Variants in SLC2A9 observed in about 807,000 individuals in gnomAD.
SLC2A9 encodes solute carrier family 2 member 9.
Under a neutral mutation model 50.6 loss-of-function variants are expected in SLC2A9, and 39 were observed. That is an observed-to-expected ratio of 0.77 (90% CI 0.60 to 1.01). SLC2A9 has a LOEUF of 1.01. Among genes scored for constraint, SLC2A9 ranks in the 50% least tolerant of loss-of-function variants. The pLI, the probability that SLC2A9 is intolerant of heterozygous loss-of-function variation, is 0.00. For missense variants in SLC2A9, 686 were observed against 677.6 expected, an observed-to-expected ratio of 1.01 and a Z score of -0.14; for synonymous variants, 324 against 276.9, an observed-to-expected ratio of 1.17 and a Z score of -1.69.
intron 11 of SLC2A9, among the ~76,000 whole-genome samples, chr4:9,827,741 G>C (rs966522022): frequency 6.6e-6 from 1 of 152,164 alleles, no homozygotes; most frequent in African/African-American, 2.4e-5. Flanking sequence ...TCCACACCTG[G>C]GGGTGCTTAG....
chr4:9,860,348 A>C (rs1349540960), intron 10 of SLC2A9, among the ~76,000 whole-genome samples: 1 of 152,192 alleles, frequency 6.6e-6, no homozygotes, highest in African/African-American at 2.4e-5. Context: ...TGTCATCCTT[A>C]TGGATTCATG....
intron 1 of SLC2A9, among the ~76,000 whole-genome samples, chr4:10,038,194 G>T (rs991641860): frequency 2.6e-5 from 4 of 151,790 alleles, no homozygotes; most frequent in African/African-American, 7.3e-5. Context: ...AAGTGTGTGT[G>T]AGGGGTGATG....
chr4:10,032,056 C>CAAA (rs1763955423), intron 1 of SLC2A9, among the ~76,000 whole-genome samples: 1 of 152,202 alleles, frequency 6.6e-6, no homozygotes, highest in Non-Finnish European at 1.5e-5. Context: ...TTGTGTCAGG[C>CAAA]CCACCCTATT....
At chr4:9,998,604 TG>T (rs562077431) in intron 2 of SLC2A9, among the ~76,000 whole-genome samples, 1 of 152,248 alleles carries the variant, frequency 6.6e-6, no homozygotes, top group East Asian at 1.9e-4. Context: ...GCTAGTCAAA[TG>T]GAAGATGCCT....
At chr4:9,869,825 C>G (rs1462432703) in intron 10 of SLC2A9, among the ~76,000 whole-genome samples, 1 of 152,236 alleles carries the variant, frequency 6.6e-6, no homozygotes, top group Non-Finnish European at 1.5e-5. Flanking sequence ...ATGCTTATCT[C>G]TAGTCCAGTG....
At position 10,019,219 on chromosome 4, in the gene SLC2A9, G is replaced by T. The variant is rs570462211; in HGVS notation, c.151-146C>A. 3.5e-5 allele frequency: 24 copies of T among 688,098 alleles called. No homozygotes were observed. In the South Asian group the frequency reaches 4.0e-4, roughly 11 times the overall value. The allele number at this position is 688,098 out of a possible 1,614,324, so 42.6% of individuals were successfully genotyped here. ...TGGGGTAGAGACAGAGAGAAGAGAC[G>T]CAAGTTGGGGACCTGCAAGTAGGGT... On this transcript the variant is annotated intron_variant, in intron 1 of 11. Coordinates refer to ENST00000264784, the MANE Select transcript of SLC2A9 (RefSeq NM_020041.3).
At chr4:9,776,051 C>T (rs1717521157), downstream of SLC2A9, among the ~76,000 whole-genome samples, 1 of 152,124 alleles carries the variant, frequency 6.6e-6, no homozygotes, top group Admixed American at 6.5e-5. Flanking sequence ...CTAGCCTCCA[C>T]TTGACAGCAA....
chr4:9,803,352 G>A (rs1577331138), intron 3 of SLC2A9, among the ~76,000 whole-genome samples: 1 of 152,328 alleles, frequency 6.6e-6, no homozygotes, highest in South Asian at 2.1e-4. Context: ...ACATCCTCTA[G>A]CAGTATGCAT....
downstream of SLC2A9, among the ~76,000 whole-genome samples, chr4:9,775,903 A>T (rs1225628310): frequency 6.6e-6 from 1 of 152,196 alleles, no homozygotes; most frequent in Non-Finnish European, 1.5e-5. Flanking sequence ...CTGTAGCTAC[A>T]CTTCTAGAAC....
At chr4:9,788,536 C>T (rs1488567575) in intron 3 of SLC2A9, among the ~76,000 whole-genome samples, 1 of 151,962 alleles carries the variant, frequency 6.6e-6, no homozygotes, top group Non-Finnish European at 1.5e-5. Flanking sequence ...TTACTTGACC[C>T]TGTTAATGGA....
chr4:9,791,391 G>C (rs1719900205), intron 3 of SLC2A9, among the ~76,000 whole-genome samples: 1 of 152,190 alleles, frequency 6.6e-6, no homozygotes, highest in Non-Finnish European at 1.5e-5. Context: ...CAGGCTCTCA[G>C]ATAGAGAGGA....
chr4:9,951,546 G>T (rs1250030523), intron 5 of SLC2A9, among the ~76,000 whole-genome samples: 2 of 152,034 alleles, frequency 1.3e-5, no homozygotes, highest in South Asian at 2.1e-4. Flanking sequence ...AGATAATAAA[G>T]AATTATAATT....
exon 2 of SLC2A9, chr4:9,771,229 C>A: frequency 2.8e-6 from 1 of 358,362 alleles, no homozygotes; most frequent in Non-Finnish European, 5.0e-6. Flanking sequence ...GAGTAATAAT[C>A]CCTAACCTCA....
intron 5 of SLC2A9, among the ~76,000 whole-genome samples, chr4:9,948,713 T>C (rs1022240155): frequency 1.3e-5 from 2 of 152,202 alleles, no homozygotes; most frequent in Non-Finnish European, 2.9e-5. Flanking sequence ...TGGGCTCAAC[T>C]GAGACCTCTG....
At chr4:10,019,483 C>T (rs775372965) in intron 1 of SLC2A9, among the ~76,000 whole-genome samples, 2 of 152,250 alleles carry the variant, frequency 1.3e-5, no homozygotes, top group South Asian at 4.1e-4. Context: ...CGCATTGTCT[C>T]TGAGTCCTTA....
intron 5 of SLC2A9, among the ~76,000 whole-genome samples, chr4:9,972,724 A>G (rs1000836477): frequency 1.3e-5 from 2 of 152,250 alleles, no homozygotes; most frequent in African/African-American, 2.4e-5. Flanking sequence ...ATTAAGGCAG[A>G]GATCACAAAT....
upstream of SLC2A9, among the ~76,000 whole-genome samples, chr4:10,021,749 A>G (rs1763524984): frequency 6.6e-6 from 1 of 151,562 alleles, no homozygotes; most frequent in African/African-American, 2.4e-5. Context: ...ACTGCCATTA[A>G]CCTAGGATAC....
intron 11 of SLC2A9, among the ~76,000 whole-genome samples, chr4:9,827,954 T>C (rs1180805300): frequency 6.6e-6 from 1 of 152,230 alleles, no homozygotes; most frequent in African/African-American, 2.4e-5. Flanking sequence ...CATGGTGATA[T>C]ATACCCACAC....
At chr4:10,021,135 C>A (rs965598687) in intron 1 of SLC2A9, 145 bp downstream of exon 1, 4 of 842,456 alleles carry the variant, frequency 4.7e-6, no homozygotes, top group South Asian at 1.4e-5. Flanking sequence ...AGAAGTGCAA[C>A]TCAAACTGAG....
Sources: allele counts gnomAD v4.1 joint callset (sites outside exome capture counted in the v4.1 genomes callset), GRCh38; gene constraint gnomAD v4.1.1; transcripts MANE v1.5; gene names NCBI Gene and HGNC (gene_info 2026-07-23, HGNC 2026-07-21).